Variants in NEB observed in about 807,000 individuals in gnomAD.
NEB encodes the protein nebulin, also known as nemaline myopathy type 2.
Under a neutral mutation model 952.2 loss-of-function variants are expected in NEB, and 512 were observed. The ratio of observed to expected loss-of-function variants is 0.54; its 90% CI spans 0.50 to 0.58. The LOEUF is 0.58. Among genes scored for constraint, NEB ranks in the 20% least tolerant of loss-of-function variants. The pLI is 0.00. For missense variants in NEB, 8,428 were observed against 9,231.1 expected (o/e 0.91, Z 3.56); for synonymous variants, 2,900 against 3,149.8 (o/e 0.92, Z 2.66).
intron 171 of NEB, chr2:151,497,327 A>G (rs2060901794): frequency 1.0e-6 from 1 of 980,504 alleles, no homozygotes; most frequent in Admixed American, 6.2e-5. Context: ...CTAAACAATT[A>G]TATGAGGATT....
chr2:151,688,556 A>G (rs1391869737), intron 24 of NEB, among the ~76,000 whole-genome samples, 160 bp from the exon 25 acceptor site: 1 of 152,160 alleles, frequency 6.6e-6, no homozygotes, highest in African/African-American at 2.4e-5. Flanking sequence ...TTCATCCCCT[A>G]TTTCAGGGAC....
intron 67 of NEB, 129 bp from the exon 68 acceptor site, chr2:151,629,775 G>C: frequency 1.5e-6 from 1 of 688,570 alleles, no homozygotes; most frequent in Non-Finnish European, 2.5e-6. Flanking sequence ...TCTGGCAATA[G>C]TGGAAAGCAA....
At chr2:151,545,707 G>A (rs2094586360) in intron 135 of NEB, among the ~76,000 whole-genome samples, 181 bp downstream of exon 135, 2 of 152,146 alleles carry the variant, frequency 1.3e-5, no homozygotes, top group Admixed American at 1.3e-4. Context: ...AGTAAACTGA[G>A]GTAAAGTGCA....
At position 151,642,788 on chromosome 2, in the gene NEB, G is replaced by A; in HGVS notation, c.8242C>T (p.Gln2748Ter). 1 of 1,611,616 alleles carries A rather than the reference G, an allele frequency of 6.2e-7. No homozygotes were observed. The highest frequency in any genetic ancestry group is 8.5e-7 in the Non-Finnish European group (1 of 1,178,366). Residue 2748 changes from glutamine to a stop codon, truncating the protein, a stop_gained, in exon 59 of 182, where the codon CAA (glutamine) becomes TAA (stop). Transcript: ENST00000397345. LOFTEE classifies it high-confidence loss of function. ...PDTPEVLLAK[Q>*]NKVNYSEKLY... ...ACCTCACTGTAATTTACTTTGTTTT[G>A]TTTAGCTAATAAAACTTCAGGGGTA...
chr2:151,630,021 G>T (rs181099406), intron 67 of NEB, among the ~76,000 whole-genome samples: 173 of 151,714 alleles, frequency 1.1e-3, no homozygotes, highest in African/African-American at 4.1e-3. Context: ...GTAGAACAAT[G>T]TTTAATATCT....
intron 134 of NEB, 109 bp from the exon 135 acceptor site, chr2:151,546,107 T>C: frequency 1.2e-6 from 1 of 819,584 alleles, no homozygotes; most frequent in Non-Finnish European, 1.9e-6. Flanking sequence ...AGGGCTTTCA[T>C]GTGTCCTGGA....
intron 28 of NEB, among the ~76,000 whole-genome samples, chr2:151,683,748 A>G (rs1324304733): frequency 5.9e-5 from 9 of 152,232 alleles, no homozygotes; most frequent in Non-Finnish European, 1.0e-4. Flanking sequence ...AGGATCTCAA[A>G]GAGATATTCA....
intron 4 of NEB, among the ~76,000 whole-genome samples, chr2:151,729,205 G>GGT (rs1342364071): frequency 1.3e-5 from 2 of 152,104 alleles, no homozygotes; most frequent in African/African-American, 4.8e-5. Context: ...TGGCAGAGAT[G>GGT]GTGTCCTACA....
chr2:151,624,909 ATG>A (rs949539605), intron 71 of NEB, among the ~76,000 whole-genome samples: 4 of 152,220 alleles, frequency 2.6e-5, no homozygotes, highest in Admixed American at 1.3e-4. Context: ...TCATAAAAGA[ATG>A]TATTTTATTG....
At position 151,654,134 on chromosome 2, in the gene NEB, T is replaced by A. The variant is rs994799027; in HGVS notation, c.6808-35A>T. The A allele has an allele frequency of 4.3e-6, 6 of 1,396,272 alleles. No individual in the cohort carries two copies. In the East Asian group the frequency reaches 1.4e-4, roughly 32 times the overall value. The allele number at this position is 1,396,272 out of a possible 1,614,324, so 86.5% of individuals were successfully genotyped here. A position where few individuals can be genotyped will look rare whatever the true frequency, so the allele number is the denominator to read the frequency against. ...AAAGATATTCTTCAGCATTATTCTG[T>A]CTATATAAAGAATATCAATAGATTA... On this transcript the variant is annotated intron_variant, in intron 51 of 181. Transcript: ENST00000397345.
chr2:151,727,369 TG>T (rs1405423965), intron 5 of NEB, among the ~76,000 whole-genome samples: 1 of 152,244 alleles, frequency 6.6e-6, no homozygotes, highest in Non-Finnish European at 1.5e-5. Flanking sequence ...TTCTGTGAAC[TG>T]GCCTAAATTA....
rs142952391 is a variant in NEB at position 151,565,587 on chromosome 2, C to A, written c.18280G>T (p.Ala6094Ser). ...MMSQIKYKKN[A>S]LENYPNFRSV... ...CTAAAGTTAGGATAGTTTTCAAGGG[C>A]ATTTTTCTTATATTTGATCTGTAAA... The change falls in exon 116 of 182, where the codon GCC becomes TCC. Residue 6094 changes from alanine to serine, a missense_variant. Coordinates refer to ENST00000397345, the MANE Select transcript of NEB (RefSeq NM_001164508.2). The A allele has an allele frequency of 1.3e-6, 2 of 1,595,856 alleles. No individual in the cohort carries two copies. Among genetic ancestry groups the A allele is most frequent in the African/African-American group, 2.7e-5 (2 of 74,842 alleles).
intron 13 of NEB, 48 bp from the exon 14 acceptor site, chr2:151,697,696 C>A: frequency 8.4e-7 from 1 of 1,186,528 alleles, no homozygotes; most frequent in South Asian, 1.4e-5. Context: ...GTCACTCCCA[C>A]GCTGATTATA....
Position 151,679,951 on chromosome 2 carries a change from G to A in NEB, c.3114C>T (p.Ile1038=). Reference sequence around the variant, plus strand: ...TATTGTAGGCATTAACTTTAGCCTGGATGAACTGGGGCAGGTCTGGTGGCA... The same window carrying A: ...TATTGTAGGCATTAACTTTAGCCTGAATGAACTGGGGCAGGTCTGGTGGCA... ...YNLPPDLPQF[I]QAKVNAYNIS... Residue 1038 remains isoleucine (I), a synonymous_variant, in exon 31 of 182, where the codon ATC becomes ATT. Transcript: ENST00000397345. The A allele has an allele frequency of 6.2e-7, 1 of 1,613,714 alleles. No homozygotes were observed. The highest frequency in any genetic ancestry group is 8.5e-7 in the Non-Finnish European group (1 of 1,179,622).
rs746303798 is a variant in NEB, at chr2:151,507,002, C to T, written c.23463G>A (p.Gln7821=). 6.3e-7 allele frequency: 1 copy of T among 1,593,076 alleles called. No homozygotes were observed. The highest frequency in any genetic ancestry group is 8.6e-7 in the Non-Finnish European group (1 of 1,162,474). ...TTCCTTTACTGTTTTTAAGGTCACA[C>T]TGGTATTGGAGCTATGAAGAAAGAG... ...NQKNFSLLQY[Q]CDLKNSKGKI... The change falls in exon 163 of 182, where the codon CAG becomes CAA. Residue 7821 remains glutamine, a synonymous_variant. Transcript: ENST00000397345.
intron 27 of NEB, among the ~76,000 whole-genome samples, 161 bp downstream of exon 27, chr2:151,687,258 C>T (rs1232003688): frequency 2.0e-5 from 3 of 152,086 alleles, no homozygotes; most frequent in African/African-American, 4.8e-5. Flanking sequence ...GTGGGAGGCA[C>T]AATAATCCAG....
At chr2:151,714,702 G>A (rs1346270836) in intron 10 of NEB, among the ~76,000 whole-genome samples, 1 of 152,170 alleles carries the variant, frequency 6.6e-6, no homozygotes. Context: ...AAATGCATGT[G>A]AGTGACTAGA....
At chr2:151,729,272 C>A (rs1294185676) in intron 4 of NEB, among the ~76,000 whole-genome samples, 1 of 152,150 alleles carries the variant, frequency 6.6e-6, no homozygotes, top group South Asian at 2.1e-4. Flanking sequence ...AAAGCCAAGG[C>A]TCCTTGGCTT....
chr2:151,486,747 A>G (rs1459830659), intron 181 of NEB: 4 of 152,268 alleles, frequency 2.6e-5, no homozygotes, highest in Non-Finnish European at 4.4e-5. Flanking sequence ...AAAGGACGCC[A>G]TGCACCAAGG....
Sources: allele counts gnomAD v4.1 joint callset (sites outside exome capture counted in the v4.1 genomes callset), GRCh38; gene constraint gnomAD v4.1.1; transcripts MANE v1.5; gene names NCBI Gene and HGNC (gene_info 2026-07-23, HGNC 2026-07-21).